SLC39A11: variants seen among roughly 807,000 people sequenced by gnomAD.
The protein encoded by SLC39A11 is zinc transporter ZIP11.
In SLC39A11, 33 loss-of-function variants were observed where a neutral mutation model predicts 36.1. The ratio of observed to expected loss-of-function variants is 0.91; its 90% CI spans 0.69 to 1.22. The LOEUF is 1.22. Ranked by LOEUF, SLC39A11 falls within the 50% of genes most tolerant of loss-of-function variation. SLC39A11 has a pLI of 0.00. For missense variants in SLC39A11, 432 were observed against 430.3 expected (o/e 1.00, Z -0.03); for synonymous variants, 166 against 170.3 (o/e 0.97, Z 0.20).
chr17:73,071,063 G>A (rs1465430372), intron 3 of SLC39A11, among the ~76,000 whole-genome samples: 1 of 152,124 alleles, frequency 6.6e-6, no homozygotes, highest in Non-Finnish European at 1.5e-5. Flanking sequence ...AAGGCATTGG[G>A]GTTTTTTAAA....
At chr17:73,060,224 A>G (rs2059799871) in intron 3 of SLC39A11, among the ~76,000 whole-genome samples, 1 of 150,682 alleles carries the variant, frequency 6.6e-6, no homozygotes, top group South Asian at 2.1e-4. Flanking sequence ...AAAAAAAAAA[A>G]AAAAAAGAAA....
chr17:73,044,153 A>G (rs1392522866), intron 3 of SLC39A11, among the ~76,000 whole-genome samples: 5 of 141,796 alleles, frequency 3.5e-5, no homozygotes, highest in Non-Finnish European at 8.0e-5. Flanking sequence ...CTTAAATAAG[A>G]AAAAAAAAAA....
intron 7 of SLC39A11, among the ~76,000 whole-genome samples, chr17:72,681,513 T>C (rs945475469): frequency 6.6e-6 from 1 of 152,058 alleles, no homozygotes; most frequent in Non-Finnish European, 1.5e-5. Flanking sequence ...ACGAATTGCA[T>C]TCTCCTCATC....
In SLC39A11 at chr17:72,647,462, T is replaced by G; in HGVS notation, c.*122A>C. ...TTATAATCAGAGTCAATCAGGATAATGAGATGAAGAAGAGAGGAAGGAAAA... is the reference window on the plus strand; with the variant it reads ...TTATAATCAGAGTCAATCAGGATAAGGAGATGAAGAAGAGAGGAAGGAAAA... On this transcript the variant is annotated 3_prime_UTR_variant, in exon 10 of 10. Transcript: ENST00000255559. 6 of 698,644 alleles carry G rather than the reference T, an allele frequency of 8.6e-6. No individual in the cohort carries two copies. Among genetic ancestry groups the G allele is most frequent in the Non-Finnish European group, 1.5e-5 (6 of 413,432 alleles). 43.3% of individuals were successfully genotyped at this position (698,644 alleles called of 1,614,324 possible).
chr17:72,859,180 T>C (rs2079820145), intron 5 of SLC39A11, among the ~76,000 whole-genome samples: 1 of 152,220 alleles, frequency 6.6e-6, no homozygotes, highest in African/African-American at 2.4e-5. Flanking sequence ...CTTTCCCTCA[T>C]AGCTTGGGAA....
intron 7 of SLC39A11, among the ~76,000 whole-genome samples, chr17:72,658,361 A>T (rs1311645213): frequency 6.6e-6 from 1 of 152,166 alleles, no homozygotes; most frequent in African/African-American, 2.4e-5. Flanking sequence ...CCAGGGTCCC[A>T]TCCGGGTGCT....
chr17:72,856,914 C>T (rs1372942964), intron 5 of SLC39A11, among the ~76,000 whole-genome samples: 3 of 152,200 alleles, frequency 2.0e-5, no homozygotes, highest in Non-Finnish European at 4.4e-5. Flanking sequence ...CTCCTGACCT[C>T]AGGTGATCCA....
chr17:72,960,651 T>TC (rs2086550814), intron 4 of SLC39A11, among the ~76,000 whole-genome samples: 2 of 151,704 alleles, frequency 1.3e-5, no homozygotes, highest in African/African-American at 2.4e-5. Context: ...AAAATTAAAT[T>TC]AAATTTAATT....
chr17:72,918,257 A>G (rs1030388996), intron 5 of SLC39A11, among the ~76,000 whole-genome samples: 1 of 152,132 alleles, frequency 6.6e-6, no homozygotes, highest in Non-Finnish European at 1.5e-5. Flanking sequence ...AAAAATATAA[A>G]AATTAGCCAG....
intron 6 of SLC39A11, among the ~76,000 whole-genome samples, chr17:72,830,538 A>G (rs1267175098): frequency 2.0e-5 from 3 of 152,146 alleles, no homozygotes; most frequent in African/African-American, 7.2e-5. Context: ...GAACAAAAAC[A>G]AGGGAATTTG....
intron 5 of SLC39A11, among the ~76,000 whole-genome samples, chr17:72,882,085 G>C (rs1049691307): frequency 6.6e-6 from 1 of 152,174 alleles, no homozygotes; most frequent in South Asian, 2.1e-4. Context: ...CGGTGTGGTG[G>C]CTCATACCTG....
intron 7 of SLC39A11, among the ~76,000 whole-genome samples, chr17:72,704,617 A>G (rs1303726069): frequency 6.6e-6 from 1 of 152,188 alleles, no homozygotes; most frequent in African/African-American, 2.4e-5. Context: ...CCAAAGCGCC[A>G]TCTGTGTGCA....
At chr17:73,029,181 A>G (rs2058663808) in intron 4 of SLC39A11, among the ~76,000 whole-genome samples, 1 of 151,952 alleles carries the variant, frequency 6.6e-6, no homozygotes, top group Non-Finnish European at 1.5e-5. Context: ...TACACCGCCC[A>G]GAGAAAATCC....
chr17:72,685,608 C>G (rs569992584), intron 7 of SLC39A11, among the ~76,000 whole-genome samples: 1 of 152,178 alleles, frequency 6.6e-6, no homozygotes, highest in African/African-American at 2.4e-5. Context: ...TTTACCAGGT[C>G]CCCCTCATAC....
intron 7 of SLC39A11, among the ~76,000 whole-genome samples, chr17:72,673,357 C>A (rs1354215595): frequency 2.6e-5 from 4 of 152,296 alleles, no homozygotes; most frequent in African/African-American, 9.6e-5. Flanking sequence ...CCCACCTCGG[C>A]CTCCCAAAGT....
intron 7 of SLC39A11, among the ~76,000 whole-genome samples, chr17:72,692,584 G>A (rs59094888): frequency 4.6e-5 from 7 of 152,138 alleles, no homozygotes; most frequent in Admixed American, 1.3e-4. Context: ...TCACTATCAC[G>A]AGAATAGCAC....
intron 6 of SLC39A11, among the ~76,000 whole-genome samples, chr17:72,759,164 CA>C (rs1473478945): frequency 2.7e-5 from 4 of 148,948 alleles, no homozygotes; most frequent in Non-Finnish European, 5.9e-5. Context: ...GAAAATAATA[CA>C]GATACCAGAT....
intron 7 of SLC39A11, among the ~76,000 whole-genome samples, chr17:72,656,767 G>C (rs926956777): frequency 4.6e-5 from 7 of 152,132 alleles, no homozygotes; most frequent in African/African-American, 1.7e-4. Context: ...CCGCGAGGAA[G>C]GGGGGTCCCA....
chr17:72,924,984 AGAGT>A (rs2083948392), intron 5 of SLC39A11, among the ~76,000 whole-genome samples: 1 of 145,614 alleles, frequency 6.9e-6, no homozygotes, highest in Non-Finnish European at 1.5e-5. Flanking sequence ...CCTGGGTGAC[AGAGT>A]GAGACTCCAT....
Sources: gnomAD v4.1 joint callset for allele counts (sites outside exome capture counted in the v4.1 genomes callset) on GRCh38, gnomAD v4.1.1 for gene constraint, MANE v1.5 for transcripts, NCBI Gene and HGNC (gene_info 2026-07-23, HGNC 2026-07-21) for gene names.